Variants in MTHFS observed in about 807,000 individuals in gnomAD.
MTHFS encodes 5-formyltetrahydrofolate cyclo-ligase.
Under a neutral mutation model 12.7 loss-of-function variants are expected in MTHFS, and 7 were observed. The observed-to-expected ratio is 0.55, with a 90% CI of 0.31 to 1.03. The LOEUF is 1.03. Among genes scored for constraint, MTHFS ranks in the 50% least tolerant of loss-of-function variants. The pLI is 0.05. For synonymous variants in MTHFS, 100 were observed against 97.1 expected (o/e 1.03, Z -0.18); for missense variants, 252 against 258.1 (o/e 0.98, Z 0.16).
intron 2 of MTHFS, among the ~76,000 whole-genome samples, chr15:79,882,487 T>C (rs1255710047): frequency 6.6e-6 from 1 of 152,190 alleles, no homozygotes; most frequent in African/African-American, 2.4e-5. Context: ...AATCTAAGTA[T>C]TACTCCATGT....
At chr15:79,856,572 A>T (rs1173602880) in intron 2 of MTHFS, among the ~76,000 whole-genome samples, 1 of 152,224 alleles carries the variant, frequency 6.6e-6, no homozygotes, top group Non-Finnish European at 1.5e-5. Flanking sequence ...TCAAACCCAT[A>T]GAATCAGAAA....
chr15:79,868,572 G>A (rs2034050865), intron 2 of MTHFS, among the ~76,000 whole-genome samples: 1 of 152,214 alleles, frequency 6.6e-6, no homozygotes, highest in Non-Finnish European at 1.5e-5. Flanking sequence ...ACAATTGAAT[G>A]AGTGGACTCA....
At chr15:79,881,648 C>T (rs1194669142) in intron 2 of MTHFS, among the ~76,000 whole-genome samples, 1 of 152,056 alleles carries the variant, frequency 6.6e-6, no homozygotes, top group African/African-American at 2.4e-5. Context: ...CAAGTTCTTC[C>T]TTGGGAAAAT....
chr15:79,855,145 A>T (rs2033777608), intron 2 of MTHFS, among the ~76,000 whole-genome samples: 1 of 152,190 alleles, frequency 6.6e-6, no homozygotes, highest in African/African-American at 2.4e-5. Flanking sequence ...CACCCTGCCA[A>T]TCCCTACTTT....
At chr15:79,861,434 G>A (rs557549288) in intron 2 of MTHFS, among the ~76,000 whole-genome samples, 14 of 152,186 alleles carry the variant, frequency 9.2e-5, no homozygotes, top group Non-Finnish European at 1.9e-4. Flanking sequence ...ATTAATGCAC[G>A]TTCATTTGTT....
intron 1 of MTHFS, among the ~76,000 whole-genome samples, chr15:79,893,130 C>G (rs920752407): frequency 6.6e-6 from 1 of 152,134 alleles, no homozygotes; most frequent in Non-Finnish European, 1.5e-5. Context: ...CCTGGCCAGG[C>G]GTGGTGGCTC....
chr15:79,894,213 T>C (rs2141382040), intron 1 of MTHFS, among the ~76,000 whole-genome samples: 1 of 152,238 alleles, frequency 6.6e-6, no homozygotes, highest in Non-Finnish European at 1.5e-5. Flanking sequence ...AAACCCCGTC[T>C]CTACTAAAAA....
chr15:79,852,502 T>G (rs1329300328), intron 2 of MTHFS, among the ~76,000 whole-genome samples: 1 of 152,244 alleles, frequency 6.6e-6, no homozygotes, highest in East Asian at 1.9e-4. Flanking sequence ...CTCTTTCTGC[T>G]ATGAATGGTC....
Position 79,889,206 on chromosome 15 carries a change from T to A in MTHFS, c.266A>T (p.His89Leu). 2 of 1,614,212 alleles carry A rather than the reference T, an allele frequency of 1.2e-6. No homozygotes were observed. The highest frequency in any genetic ancestry group is 1.1e-5 in the South Asian group (1 of 91,084). The change falls in exon 2 of 3, where the codon CAC becomes CTC. Residue 89 changes from histidine to leucine, a missense_variant. Coordinates refer to ENST00000258874, the MANE Select transcript of MTHFS (RefSeq NM_006441.4). The stretch of plus-strand genomic sequence containing the variant: ...TGATTCTATTCTCACCATATCCATG[T>A]GATTGCTCTGGAACCGGTACCGAGG... ...FIPRYRFQSN[H>L]MDMVRIESPE...
At position 79,896,863 on chromosome 15, in the gene MTHFS, G is replaced by A. The variant is rs1262440481; in HGVS notation, c.117+9C>T. Reference sequence around the variant, plus strand: ...TCCGCCGCGGCTTCCGCTACGGGCGGCCTCGCACCTTCTGGCTCAGTACGC... The same window carrying A: ...TCCGCCGCGGCTTCCGCTACGGGCGACCTCGCACCTTCTGGCTCAGTACGC... On this transcript the variant is annotated intron_variant, in intron 1 of 2. Coordinates refer to ENST00000258874, the MANE Select transcript of MTHFS (RefSeq NM_006441.4). 3 of 1,541,944 alleles carry A rather than the reference G, an allele frequency of 1.9e-6. No individual in the cohort carries two copies. The highest frequency in any genetic ancestry group is 2.6e-6 in the Non-Finnish European group (3 of 1,146,288).
intron 2 of MTHFS, among the ~76,000 whole-genome samples, chr15:79,881,860 T>C (rs1048525803): frequency 6.6e-6 from 1 of 152,224 alleles, no homozygotes; most frequent in African/African-American, 2.4e-5. Flanking sequence ...ACTGCCTGTG[T>C]GTCCTTGGGG....
At chr15:79,883,313 C>T (rs1373418028) in intron 2 of MTHFS, among the ~76,000 whole-genome samples, 2 of 152,124 alleles carry the variant, frequency 1.3e-5, no homozygotes, top group South Asian at 4.1e-4. Context: ...TCTTTCATAG[C>T]TATAAAGTGT....
intron 2 of MTHFS, among the ~76,000 whole-genome samples, chr15:79,882,139 T>G (rs1483177020): frequency 6.6e-6 from 1 of 152,206 alleles, no homozygotes; most frequent in Non-Finnish European, 1.5e-5. Flanking sequence ...TTTGTTAAGC[T>G]AAAGAAACAC....
intron 2 of MTHFS, among the ~76,000 whole-genome samples, chr15:79,882,757 T>C (rs1230056180): frequency 1.3e-5 from 2 of 152,204 alleles, no homozygotes; most frequent in East Asian, 1.9e-4. Context: ...TCAGGTGTAG[T>C]AGCACACAGT....
At chr15:79,864,926 T>A (rs1174476977) in intron 2 of MTHFS, among the ~76,000 whole-genome samples, 1 of 152,236 alleles carries the variant, frequency 6.6e-6, no homozygotes, top group South Asian at 2.1e-4. Context: ...ATTTGCAGTT[T>A]TTTAAACAAC....
chr15:79,879,049 A>C lies in MTHFS; in HGVS notation c.379+10044T>G, dbSNP rs549314229. Reference sequence around the variant, plus strand: ...CCTCCAGAAACTGCAAAAACAATTTAATACATAGCTTAAAAATCAACAGAG... The same window carrying C: ...CCTCCAGAAACTGCAAAAACAATTTCATACATAGCTTAAAAATCAACAGAG... On this transcript the variant is annotated intron_variant, in intron 2 of 2. Transcript: ENST00000258874. Among the ~76,000 whole-genome samples, 3 of 152,266 alleles carry C rather than the reference A, an allele frequency of 2.0e-5. No homozygotes were observed. The East Asian group carries it at 5.8e-4, about 29-fold the overall frequency.
In MTHFS at chr15:79,844,454, C is replaced by T. The variant is rs778971628; in HGVS notation, c.*756G>A. On this transcript the variant is annotated 3_prime_UTR_variant, in exon 3 of 3. Transcript: ENST00000258874. ...CCGGGTTTCTGGAGATGACCAAATC[C>T]TCCCCACAACAAAATTATTGCTCCC... 6.6e-6 allele frequency: 1 copy of T among 152,294 alleles called. No individual in the cohort carries two copies. The highest frequency in any genetic ancestry group is 6.5e-5 in the Admixed American group (1 of 15,274). The allele number at this position is 152,294 out of a possible 1,614,324, so 9.4% of individuals were successfully genotyped here.
chr15:79,889,813 C>A (rs549981713), intron 1 of MTHFS, among the ~76,000 whole-genome samples: 17 of 152,308 alleles, frequency 1.1e-4, no homozygotes, highest in African/African-American at 4.1e-4. Context: ...CCATTTAAAG[C>A]CCAACGCAAG....
intron 2 of MTHFS, among the ~76,000 whole-genome samples, chr15:79,855,963 T>C (rs1317475076): frequency 6.6e-6 from 1 of 152,218 alleles, no homozygotes; most frequent in African/African-American, 2.4e-5. Flanking sequence ...TTATGAATAG[T>C]CCTGCAATGA....
Sources: gnomAD v4.1 joint callset for allele counts (sites outside exome capture counted in the v4.1 genomes callset) on GRCh38, gnomAD v4.1.1 for gene constraint, MANE v1.5 for transcripts, NCBI Gene and HGNC (gene_info 2026-07-23, HGNC 2026-07-21) for gene names.